The following CASP4 variants were observed in gnomAD, a reference collection of about 807,000 sequenced individuals.
The protein encoded by CASP4 is caspase-4.
Under a neutral mutation model 41.3 loss-of-function variants are expected in CASP4, and 29 were observed. The observed-to-expected ratio is 0.70, with a 90% confidence interval of 0.52 to 0.96. The LOEUF is 0.96. Among genes scored for constraint, CASP4 ranks in the 40% least tolerant of loss-of-function variants. The probability of loss-of-function intolerance (pLI) is 0.00; values close to 1 mark genes in which losing one functional copy is unlikely to be tolerated. For missense variants in CASP4, 447 were observed against 460.6 expected (o/e 0.97, Z 0.27); for synonymous variants, 185 against 158.4 (o/e 1.17, Z -1.26).
chr11:104,948,891 C>A, intron 5 of CASP4: 1 of 375,528 alleles, frequency 2.7e-6, no homozygotes, highest in Non-Finnish European at 4.8e-6. Context: ...ATAGTGAAAT[C>A]ATCTTGAATT....
chr11:104,956,743 T>A, intron 1 of CASP4: 1 of 487,800 alleles, frequency 2.1e-6, no homozygotes, highest in Non-Finnish European at 2.7e-6. Flanking sequence ...CAGGTACAGA[T>A]GTTGCAACAC....
chr11:104,959,691 T>C (rs1860815360), intron 1 of CASP4, among the ~76,000 whole-genome samples: 1 of 152,160 alleles, frequency 6.6e-6, no homozygotes, highest in South Asian at 2.1e-4. Flanking sequence ...CCATCCTTCA[T>C]TCTCTTTTCC....
chr11:104,958,740 C>T (rs1056892180), intron 1 of CASP4, among the ~76,000 whole-genome samples: 1 of 152,062 alleles, frequency 6.6e-6, no homozygotes, highest in African/African-American at 2.4e-5. Flanking sequence ...GCGGGCAGAT[C>T]ACCTGAGGTC....
intron 3 of CASP4, 129 bp from the exon 4 acceptor site, chr11:104,951,227 T>C (rs1029081663): frequency 1.4e-6 from 1 of 705,452 alleles, no homozygotes; most frequent in South Asian, 2.4e-5. Context: ...CAAAAGACAC[T>C]GACTTTCTCT....
chr11:104,955,230 T>C (rs1488977963), intron 1 of CASP4, among the ~76,000 whole-genome samples: 1 of 152,124 alleles, frequency 6.6e-6, no homozygotes, highest in East Asian at 1.9e-4. Context: ...TTTTCTTTTC[T>C]TTTCTTTTAG....
intron 1 of CASP4, among the ~76,000 whole-genome samples, chr11:104,963,477 T>C (rs1369026030): frequency 1.3e-5 from 2 of 152,236 alleles, no homozygotes; most frequent in Non-Finnish European, 2.9e-5. Flanking sequence ...CTGTTTTGCA[T>C]TGTGTTATCT....
intron 1 of CASP4, 132 bp from the exon 2 acceptor site, chr11:104,955,133 T>A: frequency 1.2e-6 from 1 of 846,348 alleles, no homozygotes; most frequent in Non-Finnish European, 1.8e-6. Flanking sequence ...TTCTTGTACC[T>A]ATAGAGTTCT....
chr11:104,963,662 C>T (rs11826730), intron 1 of CASP4, among the ~76,000 whole-genome samples: 6,249 of 152,250 alleles, frequency 0.041, 451 homozygotes, highest in African/African-American at 0.14. Context: ...CTGGAAGATA[C>T]GGAAACATCC....
chr11:104,954,768 G>T lies in CASP4; in HGVS notation c.241C>A (p.Gln81Lys), dbSNP rs376811221. The part of the protein sequence containing the change: ...MLLQTFFNID[Q>K]ISPNKKAHPN... ...TTACCTTTTTTATTGGGGGATATTTGGTCTATGTTAAAAAAGGTTTGAAGA... is the reference window on the plus strand; with the variant it reads ...TTACCTTTTTTATTGGGGGATATTTTGTCTATGTTAAAAAAGGTTTGAAGA... Residue 81 changes from glutamine to lysine, a missense_variant, in exon 2 of 9, where the codon CAA becomes AAA. Transcript: ENST00000444739. 3.5e-5 allele frequency: 57 copies of T among 1,612,804 alleles called. No homozygotes were observed. The highest frequency in any genetic ancestry group is 5.0e-5 in the Admixed American group (3 of 59,822).
chr11:104,955,013 A>C lies in CASP4; in HGVS notation c.8-12T>G. 6.2e-7 allele frequency: 1 copy of C among 1,608,526 alleles called. No individual in the cohort carries two copies. Among genetic ancestry groups the C allele is most frequent in the Non-Finnish European group, 8.5e-7 (1 of 1,178,002 alleles). ...TCTGTGGTTGCCTTCTGTTAGAAAT[A>C]GAAAGATTCCTTTAACTATGGGCAC... is the stretch of plus-strand genomic sequence containing the variant. On this transcript the variant is annotated splice_polypyrimidine_tract_variant and intron_variant, in intron 1 of 8. Coordinates refer to ENST00000444739, the MANE Select transcript of CASP4 (RefSeq NM_001225.4).
At chr11:104,952,955 G>A (rs1365535222) in intron 2 of CASP4, among the ~76,000 whole-genome samples, 1 of 152,192 alleles carries the variant, frequency 6.6e-6, no homozygotes, top group Non-Finnish European at 1.5e-5. Context: ...TCCCTGGTCA[G>A]AGGGTATGTT....
At chr11:104,954,244 G>A (rs933928352) in intron 2 of CASP4, among the ~76,000 whole-genome samples, 3 of 152,152 alleles carry the variant, frequency 2.0e-5, no homozygotes, top group Non-Finnish European at 4.4e-5. Context: ...TGAATATGTT[G>A]CTAGAGCTAA....
Position 104,950,932 on chromosome 11 carries a change from G to C in CASP4, c.539C>G (p.Thr180Arg). 1.9e-6 allele frequency: 3 copies of C among 1,611,014 alleles called. No individual in the cohort carries two copies. The highest frequency in any genetic ancestry group is 2.5e-6 in the Non-Finnish European group (3 of 1,178,502). Residue 180 changes from threonine to arginine, a missense_variant, in exon 4 of 9, where the codon ACA (threonine) becomes AGA (arginine). Coordinates refer to ENST00000444739, the MANE Select transcript of CASP4 (RefSeq NM_001225.4). ...DYSVDVEENL[T>R]ARDMESALRA... ...CGGCTGAGGGATTCTTACCCTGGCT[G>C]TCAGATTCTCTTCTACATCTACACT...
rs987627079 is a variant in CASP4, at chr11:104,949,395, C to G, written c.781+148G>C. On this transcript the variant is annotated intron_variant, in intron 5 of 8. Transcript: ENST00000444739. The stretch of plus-strand genomic sequence containing the variant: ...TTGATGAGACAATTTCTTGTTATAC[C>G]AGACCCTTAGGTAGAGTTTCTTTAG... 5.1e-5 allele frequency: 41 copies of G among 811,278 alleles called. No homozygotes were observed. In the Middle Eastern group the frequency reaches 7.3e-4, roughly 15 times the overall value. 50.3% of individuals were successfully genotyped at this position (811,278 alleles called of 1,614,324 possible).
chr11:104,961,096 G>A (rs2134655425), intron 1 of CASP4, among the ~76,000 whole-genome samples: 1 of 152,362 alleles, frequency 6.6e-6, no homozygotes, highest in East Asian at 1.9e-4. Flanking sequence ...CTTGTGGTTT[G>A]GTGCCCCCGC....
intron 7 of CASP4, 124 bp downstream of exon 7, chr11:104,946,959 G>A (rs1291941254): frequency 5.0e-5 from 33 of 664,346 alleles, no homozygotes; most frequent in Non-Finnish European, 5.1e-5. Context: ...ACAACTGAAT[G>A]ACAGAAACTG....
intron 1 of CASP4, among the ~76,000 whole-genome samples, chr11:104,962,332 T>A (rs1860879259): frequency 6.6e-6 from 1 of 152,190 alleles, no homozygotes; most frequent in Non-Finnish European, 1.5e-5. Flanking sequence ...TTCTGGTCTC[T>A]CTCTCTTTCT....
chr11:104,963,645 G>A (rs769871622), intron 1 of CASP4, among the ~76,000 whole-genome samples: 1 of 152,190 alleles, frequency 6.6e-6, no homozygotes, highest in Admixed American at 6.5e-5. Context: ...AGCATGCTCT[G>A]GGCCACCTGG....
intron 7 of CASP4, 84 bp downstream of exon 7, chr11:104,946,999 A>G (rs1565363551): frequency 1.0e-6 from 1 of 963,220 alleles, no homozygotes; most frequent in Non-Finnish European, 1.6e-6. Flanking sequence ...TTCCCTGACA[A>G]AAATTGTCAT....
Sources: allele counts gnomAD v4.1 joint callset (sites outside exome capture counted in the v4.1 genomes callset), GRCh38; gene constraint gnomAD v4.1.1; transcripts MANE v1.5; gene names NCBI Gene and HGNC (gene_info 2026-07-23, HGNC 2026-07-21).